The following CFLAR variants were observed in gnomAD, a reference collection of about 807,000 sequenced individuals.
CFLAR encodes the protein CASP8 and FADD-like apoptosis regulator.
Under a neutral mutation model 51.1 loss-of-function variants are expected in CFLAR, and 14 were observed. The ratio of observed to expected loss-of-function variants is 0.27; its 90% CI spans 0.18 to 0.43. The LOEUF (loss-of-function observed/expected upper bound fraction) is 0.43, where lower values mean the gene tolerates loss of function less well. Ranked by LOEUF, CFLAR falls within the 20% of genes least tolerant of loss-of-function variation. The pLI is 1.00. For missense variants in CFLAR, 390 were observed against 566.5 expected, an observed-to-expected ratio of 0.69 and a Z score of 3.16; for synonymous variants, 210 against 211.6, an observed-to-expected ratio of 0.99 and a Z score of 0.06.
chr2:201,167,692 A>G lies in CFLAR; in HGVS notation c.*3719A>G, dbSNP rs1559270536. On this transcript the variant is annotated 3_prime_UTR_variant, in exon 10 of 10. Coordinates refer to ENST00000309955, the MANE Select transcript of CFLAR (RefSeq NM_003879.7). ...CCTGTGTTAATTATGACAGAAGGAA[A>G]GTGTGTGAGAGAGATCTTAACTACC... The G allele has an allele frequency of 6.6e-6, 1 of 152,192 alleles. No homozygotes were observed. Among genetic ancestry groups the G allele is most frequent in the Non-Finnish European group, 1.5e-5 (1 of 68,050 alleles). The allele number at this position is 152,192 out of a possible 1,614,324, so 9.4% of individuals were successfully genotyped here.
At chr2:201,149,907 G>A (rs2125853511) in intron 8 of CFLAR, 72 bp downstream of exon 8, 4 of 1,151,416 alleles carry the variant, frequency 3.5e-6, no homozygotes, top group East Asian at 4.7e-5. Context: ...TGTATTCATT[G>A]GAGTGATCAG....
At chr2:201,130,737 G>T (rs1367775287) in intron 2 of CFLAR, among the ~76,000 whole-genome samples, 3 of 152,158 alleles carry the variant, frequency 2.0e-5, no homozygotes, top group Non-Finnish European at 2.9e-5. Context: ...TTGCCTGAAG[G>T]ATAGAATGAC....
At position 201,160,527 on chromosome 2, in the gene CFLAR, G is replaced by A. The variant is rs767106288; in HGVS notation, c.889G>A (p.Ala297Thr). 2.1e-5 allele frequency: 34 copies of A among 1,612,954 alleles called. No homozygotes were observed. The highest frequency in any genetic ancestry group is 2.8e-5 in the Non-Finnish European group (33 of 1,179,778). The change falls in exon 9 of 10, where the codon GCC (alanine) becomes ACC (threonine). Residue 297 changes from alanine to threonine, a missense_variant. Physicochemically the swap from Ala to Thr is moderately conservative, Grantham distance 58. Coordinates refer to ENST00000309955, the MANE Select transcript of CFLAR (RefSeq NM_003879.7). Reference sequence around the variant, plus strand: ...TATATCCCAGATTCTTGGCCAATTTGCCTGTATGCCCGAGCACCGAGACTA... The same window carrying A: ...TATATCCCAGATTCTTGGCCAATTTACCTGTATGCCCGAGCACCGAGACTA... ...HGISQILGQF[A>T]CMPEHRDYDS... is the part of the protein sequence containing the mutation.
chr2:201,158,386 G>A (rs1441505056), intron 8 of CFLAR, among the ~76,000 whole-genome samples: 92 of 152,238 alleles, frequency 6.0e-4, no homozygotes, highest in Non-Finnish European at 1.3e-4. Context: ...GGAGAATGTG[G>A]TGAAGTTTTC....
At position 201,163,971 on chromosome 2, in the gene CFLAR, T is replaced by C. The variant is rs1400939566; in HGVS notation, c.1441T>C (p.Ter481GlnextTer78). 1 of 1,612,148 alleles carries C rather than the reference T, an allele frequency of 6.2e-7. No individual in the cohort carries two copies. Among genetic ancestry groups the C allele is most frequent in the Non-Finnish European group, 8.5e-7 (1 of 1,179,384 alleles). The stretch of plus-strand genomic sequence containing the variant: ...AAAGAAACTTATCCTCTCCTACACA[T>C]AAGAAACCAAAAGGCTGGGCGTAGT... ...LRKKLILSYT* is the reference protein window; with the variant it reads ...LRKKLILSYTQ Residue 481 changes from the stop codon to glutamine, a stop_lost, in exon 10 of 10, where the codon TAA becomes CAA. Transcript: ENST00000309955.
rs1325310858 is a variant in CFLAR at position 201,171,417 on chromosome 2, A to T, written c.*7444A>T. Reference sequence around the variant, plus strand: ...ACAGAGGAGCAGGAAACCAAACACCACATGTTCTCACTTGTAAGCGGAAGC... The same window carrying T: ...ACAGAGGAGCAGGAAACCAAACACCTCATGTTCTCACTTGTAAGCGGAAGC... On this transcript the variant is annotated 3_prime_UTR_variant, in exon 10 of 10. Transcript: ENST00000309955. 6.6e-6 allele frequency: 1 copy of T among 152,196 alleles called. No homozygotes were observed. The highest frequency in any genetic ancestry group is 1.5e-5 in the Non-Finnish European group (1 of 68,024). The allele number at this position is 152,196 out of a possible 1,614,324, so 9.4% of individuals were successfully genotyped here.
rs35731279 is a variant in CFLAR, at chr2:201,164,278, TAA to T, written c.*319_*320del. On this transcript the variant is annotated 3_prime_UTR_variant, in exon 10 of 10. Coordinates refer to ENST00000309955, the MANE Select transcript of CFLAR (RefSeq NM_003879.7). ...GCAATATAGCAAGATCCCATCTCTT[TAA>T]AAAAAAAAAAAAAGGACAGGAACTA... The T allele has an allele frequency of 1.3e-3, 202 of 153,408 alleles. No individual in the cohort carries two copies. The highest frequency in any genetic ancestry group is 5.5e-3 in the South Asian group (32 of 5,860). The allele number at this position is 153,408 out of a possible 1,614,324, so 9.5% of individuals were successfully genotyped here. A position where few individuals can be genotyped will look rare whatever the true frequency, so the allele number is the denominator to read the frequency against.
In CFLAR at chr2:201,130,157, A is replaced by C; in HGVS notation, c.281+11A>C. Reference sequence around the variant, plus strand: ...TGTTTCGGACTATAGGTAATTCATCAACTCTTCCTGAGGCTGGGTGGGTGG... The same window carrying C: ...TGTTTCGGACTATAGGTAATTCATCCACTCTTCCTGAGGCTGGGTGGGTGG... On this transcript the variant is annotated intron_variant, in intron 2 of 9. Transcript: ENST00000309955. 1 of 1,325,304 alleles carries C rather than the reference A, an allele frequency of 7.5e-7. No individual in the cohort carries two copies. Among genetic ancestry groups the C allele is most frequent in the Non-Finnish European group, 1.0e-6 (1 of 993,266 alleles). 82.1% of individuals were successfully genotyped at this position (1,325,304 alleles called of 1,614,324 possible). A position where few individuals can be genotyped will look rare whatever the true frequency, so the allele number is the denominator to read the frequency against.
chr2:201,129,767 C>T lies in CFLAR; in HGVS notation c.-99C>T, dbSNP rs530673043. The T allele has an allele frequency of 1.8e-6, 2 of 1,114,864 alleles. No individual in the cohort carries two copies. The highest frequency in any genetic ancestry group is 2.6e-6 in the Non-Finnish European group (2 of 767,270). The allele number at this position is 1,114,864 out of a possible 1,614,324, so 69.1% of individuals were successfully genotyped here. ...GAAAGGATTCTGAAAGAAATGAAGTCAGCCCTCAGAAATGAAGTTGACTGC... is the reference window on the plus strand; with the variant it reads ...GAAAGGATTCTGAAAGAAATGAAGTTAGCCCTCAGAAATGAAGTTGACTGC... On this transcript the variant is annotated 5_prime_UTR_variant, in exon 2 of 10. Transcript: ENST00000309955.
At chr2:201,163,599 T>C in intron 9 of CFLAR, 1 of 1,317,232 alleles carries the variant, frequency 7.6e-7, no homozygotes, top group Non-Finnish European at 9.7e-7. Context: ...ACGTGGGTTA[T>C]CATCTGGCTG....
rs61427822 is a variant in CFLAR, at chr2:201,158,852, CATT to C, written c.794-1546_794-1544del. On this transcript the variant is annotated intron_variant, in intron 8 of 9. Transcript: ENST00000309955. Reference sequence around the variant, plus strand: ...ATCCTGTAACGGCATTTGCCCTCATCATTATTATTATTATTATTATTATTATTA... The same window carrying C: ...ATCCTGTAACGGCATTTGCCCTCATCATTATTATTATTATTATTATTATTA... 7.9e-3 allele frequency among the ~76,000 whole-genome samples: 1,107 copies of C among 139,598 alleles called. 14 individuals carry two copies. The highest frequency in any genetic ancestry group is 0.027 in the African/African-American group (1,001 of 36,884). The allele number at this position is 139,598 out of a possible 152,430, so 91.6% of individuals were successfully genotyped here. A position where few individuals can be genotyped will look rare whatever the true frequency, so the allele number is the denominator to read the frequency against.
At chr2:201,155,103 T>C (rs1430752229) in intron 8 of CFLAR, among the ~76,000 whole-genome samples, 1 of 152,226 alleles carries the variant, frequency 6.6e-6, no homozygotes, top group African/African-American at 2.4e-5. Flanking sequence ...TGCTAGGCCC[T>C]GGTGGGTCAT....
intron 1 of CFLAR, among the ~76,000 whole-genome samples, chr2:201,119,933 G>C (rs1190163775): frequency 2.9e-5 from 4 of 137,150 alleles, no homozygotes; most frequent in Non-Finnish European, 4.7e-5. Context: ...TTATTTTCTA[G>C]TTTGCAAGAT....
chr2:201,140,664 A>G (rs900186601), intron 5 of CFLAR: 1 of 445,212 alleles, frequency 2.2e-6, no homozygotes, highest in South Asian at 3.2e-5. Flanking sequence ...TAAATCACCT[A>G]TATTCCACTA....
At chr2:201,147,888 TAATC>T (rs940536746) in intron 6 of CFLAR, 18 of 152,198 alleles carry the variant, frequency 1.2e-4, no homozygotes, top group African/African-American at 3.4e-4. Flanking sequence ...TAAATAATAA[TAATC>T]AAACCAAATA....
At chr2:201,126,641 A>G (rs2048743365) in intron 1 of CFLAR, among the ~76,000 whole-genome samples, 1 of 152,220 alleles carries the variant, frequency 6.6e-6, no homozygotes, top group Non-Finnish European at 1.5e-5. Flanking sequence ...GCTCAGTTCT[A>G]GTGGCAGCCT....
At chr2:201,149,936 A>G in intron 8 of CFLAR, 101 bp downstream of exon 8, 1 of 876,290 alleles carries the variant, frequency 1.1e-6, no homozygotes, top group Non-Finnish European at 1.9e-6. Flanking sequence ...GCCGTGACAA[A>G]CCAGTTCAAG....
At chr2:201,125,438 CAT>C (rs1056343653) in intron 1 of CFLAR, among the ~76,000 whole-genome samples, 2 of 152,012 alleles carry the variant, frequency 1.3e-5, no homozygotes, top group Non-Finnish European at 2.9e-5. Context: ...GAGACTTGCA[CAT>C]GTTTACAAGC....
At chr2:201,145,573 C>T (rs984856224) in intron 6 of CFLAR, 141 bp downstream of exon 6, 2 of 615,048 alleles carry the variant, frequency 3.3e-6, no homozygotes, top group African/African-American at 1.9e-5. Context: ...TAAACTCTTA[C>T]GATAGACTCA....
Sources: gnomAD v4.1 joint callset for allele counts (sites outside exome capture counted in the v4.1 genomes callset) on GRCh38, gnomAD v4.1.1 for gene constraint, MANE v1.5 for transcripts, NCBI Gene and HGNC (gene_info 2026-07-23, HGNC 2026-07-21) for gene names.